The following ASTN1 variants were observed in gnomAD, a reference collection of about 807,000 sequenced individuals.
ASTN1 encodes the protein astrotactin-1.
A neutral mutation model predicts 140.7 loss-of-function variants in ASTN1; 41 were observed. The ratio of observed to expected loss-of-function variants is 0.29; its 90% CI spans 0.23 to 0.38. The LOEUF (loss-of-function observed/expected upper bound fraction) is 0.38, where lower values mean the gene tolerates loss of function less well. Among genes scored for constraint, ASTN1 ranks in the 10% least tolerant of loss-of-function variants. The pLI, the probability that ASTN1 is intolerant of heterozygous loss-of-function variation, is 1.00. For missense variants in ASTN1, 1,479 were observed against 1,678.8 expected, an observed-to-expected ratio of 0.88 and a Z score of 2.08; for synonymous variants, 640 against 652.2, an observed-to-expected ratio of 0.98 and a Z score of 0.29.
rs112990454 is a variant in ASTN1, at chr1:176,979,523, T to G, written c.1524-14286A>C. ...TCCTCCCTGTCTTTTTACCCCCTTG[T>G]ATTTTTCACAATCTGTAAGTACTTG... On this transcript the variant is annotated intron_variant, in intron 8 of 22. Transcript: ENST00000361833. Among the ~76,000 whole-genome samples, 261 of 152,340 alleles carry G rather than the reference T, an allele frequency of 1.7e-3. 1 individual carries two copies. In the Middle Eastern group the frequency reaches 0.034, roughly 20 times the overall value.
intron 8 of ASTN1, among the ~76,000 whole-genome samples, chr1:177,002,521 C>G (rs1026708731): frequency 2.0e-5 from 3 of 152,004 alleles, no homozygotes; most frequent in Non-Finnish European, 4.4e-5. Flanking sequence ...GGGGATGGTA[C>G]TTTGGGTGGC....
At chr1:176,895,130 C>T (rs1669449846) in intron 16 of ASTN1, among the ~76,000 whole-genome samples, 1 of 152,148 alleles carries the variant, frequency 6.6e-6, no homozygotes, top group Non-Finnish European at 1.5e-5. Context: ...AGAATACAAA[C>T]CATAACAGTG....
chr1:177,155,395 C>A (rs1046275939), intron 1 of ASTN1, among the ~76,000 whole-genome samples: 2 of 149,656 alleles, frequency 1.3e-5, no homozygotes, highest in Admixed American at 1.3e-4. Context: ...TGAGTGATCC[C>A]AGGATGAATG....
At position 177,024,708 on chromosome 1, in the gene ASTN1, T is replaced by C. The variant is rs1474333732; in HGVS notation, c.1145A>G (p.Asn382Ser). 2 of 1,614,010 alleles carry C rather than the reference T, an allele frequency of 1.2e-6. No individual in the cohort carries two copies. Among genetic ancestry groups the C allele is most frequent in the East Asian group, 4.5e-5 (2 of 44,866 alleles). The change falls in exon 6 of 23, where the codon AAT (asparagine) becomes AGT (serine). Residue 382 changes from asparagine (N) to serine (S), a missense_variant. By Grantham distance (46) the Asn-to-Ser change is conservative. Transcript: ENST00000361833. ...GCTGATCAGGGTCAAGGTGGTCTTA[T>C]TCACAGGACTTCGGGGAGAACCCAC... Reference protein sequence around the residue: ...SRVGSPRSPVNKTTLTLISIT... With the variant: ...SRVGSPRSPVSKTTLTLISIT...
At chr1:177,146,731 ACT>A (rs1371483379) in intron 1 of ASTN1, among the ~76,000 whole-genome samples, 5 of 152,132 alleles carry the variant, frequency 3.3e-5, no homozygotes, top group Admixed American at 3.3e-4. Context: ...GGCAACACAC[ACT>A]GTCAGTTGTT....
At chr1:176,872,830 T>C (rs1257426439) in intron 21 of ASTN1, among the ~76,000 whole-genome samples, 1 of 152,152 alleles carries the variant, frequency 6.6e-6, no homozygotes, top group African/African-American at 2.4e-5. Flanking sequence ...CTCCCTCACC[T>C]TCTTCCCAAG....
intron 20 of ASTN1, among the ~76,000 whole-genome samples, chr1:176,877,726 C>T (rs546946977): frequency 6.6e-6 from 1 of 152,258 alleles, no homozygotes; most frequent in South Asian, 2.1e-4. Context: ...TTAATGTCGC[C>T]TTTCTTGTCA....
At chr1:176,924,110 C>T (rs28446861) in intron 16 of ASTN1, among the ~76,000 whole-genome samples, 6 of 152,140 alleles carry the variant, frequency 3.9e-5, no homozygotes, top group East Asian at 1.9e-4. Flanking sequence ...AAAGAAAATG[C>T]GCTAAACAAA....
At chr1:177,148,587 T>C (rs1464262182) in intron 1 of ASTN1, among the ~76,000 whole-genome samples, 1 of 151,944 alleles carries the variant, frequency 6.6e-6, no homozygotes, top group Non-Finnish European at 1.5e-5. Flanking sequence ...AACTAGGCCT[T>C]TGAAGGCACC....
intron 16 of ASTN1, among the ~76,000 whole-genome samples, chr1:176,908,671 G>A (rs915284905): frequency 1.3e-5 from 2 of 152,178 alleles, no homozygotes. Context: ...ATCTCACACT[G>A]TTATTCTGAA....
intron 1 of ASTN1, among the ~76,000 whole-genome samples, chr1:177,088,823 T>C (rs998881431): frequency 3.9e-5 from 6 of 152,184 alleles, no homozygotes; most frequent in Non-Finnish European, 5.9e-5. Context: ...CAAACACATA[T>C]GGAGTTTTCT....
intron 7 of ASTN1, among the ~76,000 whole-genome samples, chr1:177,019,175 T>A (rs1478199380): frequency 6.6e-6 from 1 of 152,144 alleles, no homozygotes; most frequent in Non-Finnish European, 1.5e-5. Flanking sequence ...ATTAACTAGG[T>A]AAGTGATCTT....
intron 8 of ASTN1, among the ~76,000 whole-genome samples, chr1:176,988,767 A>G (rs1337232938): frequency 6.6e-6 from 1 of 152,220 alleles, no homozygotes; most frequent in African/African-American, 2.4e-5. Flanking sequence ...ATCTGGTACC[A>G]GGTCATGGCT....
chr1:177,096,082 C>A (rs115070708), intron 1 of ASTN1, among the ~76,000 whole-genome samples: 1,718 of 152,264 alleles, frequency 0.011, 28 homozygotes, highest in African/African-American at 0.036. Context: ...TTCTTCTTCC[C>A]TATCTATTTC....
intron 17 of ASTN1, among the ~76,000 whole-genome samples, chr1:176,892,147 C>CA (rs1371408394): frequency 1.7e-4 from 26 of 152,208 alleles, no homozygotes; most frequent in East Asian, 1.9e-4. Context: ...TAAGTGAAGA[C>CA]AAAATTGGAT....
At chr1:176,920,108 C>T (rs1462521671) in intron 16 of ASTN1, among the ~76,000 whole-genome samples, 10 of 152,182 alleles carry the variant, frequency 6.6e-5, no homozygotes, top group Admixed American at 5.2e-4. Flanking sequence ...AAACTGAGGG[C>T]TTTTGTAGTA....
intron 20 of ASTN1, among the ~76,000 whole-genome samples, chr1:176,882,521 T>G (rs901300206): frequency 2.7e-5 from 4 of 148,356 alleles, no homozygotes; most frequent in Non-Finnish European, 5.9e-5. Flanking sequence ...TAGTTAGAAT[T>G]AATCACTTCT....
At chr1:177,026,660 CA>C (rs1260889553) in intron 5 of ASTN1, among the ~76,000 whole-genome samples, 1 of 152,182 alleles carries the variant, frequency 6.6e-6, no homozygotes, top group African/African-American at 2.4e-5. Context: ...TCCACATCCT[CA>C]CCAGTGTTTG....
At chr1:176,990,601 A>T (rs1450222597) in intron 8 of ASTN1, among the ~76,000 whole-genome samples, 1 of 152,114 alleles carries the variant, frequency 6.6e-6, no homozygotes, top group Admixed American at 6.5e-5. Context: ...AAAATAATGG[A>T]AAGGGTAAGT....
Sources: allele counts gnomAD v4.1 joint callset (sites outside exome capture counted in the v4.1 genomes callset), GRCh38; gene constraint gnomAD v4.1.1; transcripts MANE v1.5; gene names NCBI Gene and HGNC (gene_info 2026-07-23, HGNC 2026-07-21).